The following TACR1 variants were observed in gnomAD, a reference collection of about 807,000 sequenced individuals.
The protein encoded by TACR1 is substance-P receptor.
In TACR1, 25 loss-of-function variants were observed where a neutral mutation model predicts 35.8. The ratio of observed to expected loss-of-function variants is 0.70; its 90% CI spans 0.51 to 0.98. The LOEUF (loss-of-function observed/expected upper bound fraction) is 0.98, where lower values mean the gene tolerates loss of function less well. Ranked by LOEUF, TACR1 falls within the 50% of genes least tolerant of loss-of-function variation. The pLI is 0.00. For missense variants in TACR1, 478 were observed against 522.9 expected (o/e 0.91, Z 0.84); for synonymous variants, 195 against 206.7 (o/e 0.94, Z 0.48).
At chr2:75,051,554 G>A (rs1466937488) in intron 3 of TACR1, 107 bp from the exon 4 acceptor site, 1 of 1,527,488 alleles carries the variant, frequency 6.5e-7, no homozygotes, top group Non-Finnish European at 8.8e-7. Flanking sequence ...GATGAAGCGA[G>A]AAGTATTTAA....
intron 2 of TACR1, among the ~76,000 whole-genome samples, chr2:75,070,971 AAAAC>A (rs1402045072): frequency 6.6e-6 from 1 of 151,950 alleles, no homozygotes; most frequent in Non-Finnish European, 1.5e-5. Context: ...CAGGGAAAAA[AAAAC>A]AAAGAAGAAT....
At chr2:75,170,330 T>A (rs1675246478) in intron 1 of TACR1, among the ~76,000 whole-genome samples, 1 of 152,244 alleles carries the variant, frequency 6.6e-6, no homozygotes, top group Non-Finnish European at 1.5e-5. Flanking sequence ...ACTTTGCTAC[T>A]CATTTGTCTT....
chr2:75,061,558 T>G (rs1672673899), intron 2 of TACR1, among the ~76,000 whole-genome samples: 1 of 152,158 alleles, frequency 6.6e-6, no homozygotes, highest in Non-Finnish European at 1.5e-5. Flanking sequence ...CAGTCTTCCC[T>G]GGGTTATAGC....
intron 2 of TACR1, among the ~76,000 whole-genome samples, chr2:75,106,180 A>T (rs753458292): frequency 7.9e-5 from 12 of 152,068 alleles, no homozygotes; most frequent in Non-Finnish European, 1.6e-4. Flanking sequence ...TTTATTAAAA[A>T]TGGCAATGAT....
intron 2 of TACR1, among the ~76,000 whole-genome samples, chr2:75,105,807 A>G (rs1243919034): frequency 1.3e-5 from 2 of 151,940 alleles, no homozygotes; most frequent in Non-Finnish European, 2.9e-5. Context: ...AAAATGTCAA[A>G]AAAATTCCAA....
At chr2:75,161,071 G>A (rs1046484862) in intron 1 of TACR1, among the ~76,000 whole-genome samples, 6 of 150,976 alleles carry the variant, frequency 4.0e-5, no homozygotes, top group East Asian at 2.0e-4. Flanking sequence ...TTGTGCTAAG[G>A]TAACAGAAAG....
chr2:75,051,768 A>T (rs1672475636), intron 3 of TACR1, among the ~76,000 whole-genome samples: 1 of 152,220 alleles, frequency 6.6e-6, no homozygotes, highest in East Asian at 1.9e-4. Context: ...TCTGAGTGTG[A>T]CAAACCCTTC....
At chr2:75,171,363 A>G (rs758563921) in intron 1 of TACR1, among the ~76,000 whole-genome samples, 12 of 152,232 alleles carry the variant, frequency 7.9e-5, no homozygotes, top group Non-Finnish European at 1.8e-4. Context: ...CAGAGGATGT[A>G]TGAAAATGCC....
chr2:75,093,336 TGG>T (rs752326051), intron 2 of TACR1, among the ~76,000 whole-genome samples: 67 of 152,296 alleles, frequency 4.4e-4, no homozygotes, highest in Non-Finnish European at 8.1e-4. Context: ...AATTAGAGGC[TGG>T]GCAATGAAAG....
At chr2:75,154,637 A>G (rs547537432) in intron 1 of TACR1, 1 of 152,466 alleles carries the variant, frequency 6.6e-6, no homozygotes, top group African/African-American at 2.4e-5. Context: ...AGGGTTTCCC[A>G]GCTATCATTC....
intron 3 of TACR1, 27 bp downstream of exon 3, chr2:75,053,578 G>A (rs757120823): frequency 2.3e-5 from 34 of 1,497,598 alleles, no homozygotes; most frequent in East Asian, 1.9e-4. Flanking sequence ...TGCCAGGGTG[G>A]GTTAGTTCTG....
intron 1 of TACR1, among the ~76,000 whole-genome samples, chr2:75,196,626 C>A (rs1380972158): frequency 6.6e-6 from 1 of 152,116 alleles, no homozygotes; most frequent in Non-Finnish European, 1.5e-5. Flanking sequence ...GGCTCCCTGC[C>A]CAATCCACTG....
At chr2:75,051,560 T>G in intron 3 of TACR1, 113 bp from the exon 4 acceptor site, 19 of 1,512,604 alleles carry the variant, frequency 1.3e-5, no homozygotes, top group Non-Finnish European at 1.7e-5. Flanking sequence ...GCGAGAAGTA[T>G]TTAAAAGACG....
chr2:75,178,326 A>G lies in TACR1; in HGVS notation c.389+20220T>C, dbSNP rs577998771. 3.1e-4 allele frequency among the ~76,000 whole-genome samples: 47 copies of G among 152,080 alleles called. No individual in the cohort carries two copies. In the South Asian group the frequency reaches 4.4e-3, roughly 14 times the overall value. On this transcript the variant is annotated intron_variant, in intron 1 of 4. Coordinates refer to ENST00000305249, the MANE Select transcript of TACR1 (RefSeq NM_001058.4). ...CAGCCTCCCAAGTAGCTGGGATTGC[A>G]GGCACCCTCCACCACGCCTGGCTAA...
At chr2:75,135,512 C>T (rs554235982) in intron 1 of TACR1, among the ~76,000 whole-genome samples, 24 of 152,248 alleles carry the variant, frequency 1.6e-4, no homozygotes, top group Non-Finnish European at 2.6e-4. Flanking sequence ...AGTGTCCCGG[C>T]GCCCGTGCTA....
intron 1 of TACR1, among the ~76,000 whole-genome samples, chr2:75,179,783 C>T (rs1011547856): frequency 3.3e-5 from 5 of 152,168 alleles, no homozygotes; most frequent in Non-Finnish European, 5.9e-5. Context: ...ATGGAAACAA[C>T]CTGCAACCAA....
intron 2 of TACR1, among the ~76,000 whole-genome samples, chr2:75,111,223 T>A (rs1004727508): frequency 8.5e-5 from 13 of 152,144 alleles, no homozygotes; most frequent in African/African-American, 3.1e-4. Context: ...TACTTATATA[T>A]GCAAACCAGC....
At chr2:75,110,184 A>G (rs1558556447) in intron 2 of TACR1, among the ~76,000 whole-genome samples, 1 of 152,150 alleles carries the variant, frequency 6.6e-6, no homozygotes, top group Non-Finnish European at 1.5e-5. Flanking sequence ...TCTTCACTTA[A>G]GTAAATATTG....
intron 1 of TACR1, among the ~76,000 whole-genome samples, chr2:75,186,128 C>G (rs888004173): frequency 1.1e-4 from 16 of 152,032 alleles, no homozygotes; most frequent in African/African-American, 3.9e-4. Context: ...AATCCCAGCA[C>G]TTTGGGAGGC....
Sources: allele counts gnomAD v4.1 joint callset (sites outside exome capture counted in the v4.1 genomes callset), GRCh38; gene constraint gnomAD v4.1.1; transcripts MANE v1.5; gene names NCBI Gene and HGNC (gene_info 2026-07-23, HGNC 2026-07-21).